Variants in GPHA2 observed in about 807,000 individuals in gnomAD.
GPHA2 encodes the protein glycoprotein hormone subunit alpha 2.
A neutral mutation model predicts 15.3 loss-of-function variants in GPHA2; 12 were observed. The ratio of observed to expected loss-of-function variants is 0.78; its 90% CI spans 0.50 to 1.27. The LOEUF (loss-of-function observed/expected upper bound fraction) is 1.27, where lower values mean the gene tolerates loss of function less well. Among genes scored for constraint, GPHA2 ranks in the 50% most tolerant of loss-of-function variants. GPHA2 has a pLI of 0.00. For synonymous variants in GPHA2, 61 were observed against 66.8 expected, an observed-to-expected ratio of 0.91 and a Z score of 0.42; for missense variants, 156 against 169.5, an observed-to-expected ratio of 0.92 and a Z score of 0.44.
upstream of GPHA2, among the ~76,000 whole-genome samples, chr11:64,936,682 A>G (rs1055634262): frequency 6.6e-6 from 1 of 152,136 alleles, no homozygotes; most frequent in Admixed American, 6.5e-5. Flanking sequence ...GACAAGGGAA[A>G]TTATACCAGT....
upstream of GPHA2, among the ~76,000 whole-genome samples, chr11:64,936,120 G>A (rs1437292366): frequency 1.3e-5 from 2 of 152,188 alleles, no homozygotes; most frequent in Admixed American, 6.5e-5. Context: ...CAGATGTGGA[G>A]AGAAGCCTAG....
intron 1 of GPHA2, 124 bp from the exon 2 acceptor site, chr11:64,935,584 G>A: frequency 1.6e-6 from 1 of 628,558 alleles, no homozygotes; most frequent in African/African-American, 1.8e-5. Flanking sequence ...GTGCCTGAAT[G>A]GTGCTGCCTT....
At chr11:64,935,483 C>A in intron 1 of GPHA2, 23 bp from the exon 2 acceptor site, 1 of 1,517,106 alleles carries the variant, frequency 6.6e-7, no homozygotes, top group East Asian at 2.3e-5. Flanking sequence ...GGGGAGATGT[C>A]TCTACGTGGG....
In GPHA2 at chr11:64,934,616, T is replaced by C; in HGVS notation, c.*157A>G. ...GACAGTCACAAAATCTTACAAAGGATCAAAGCTGGAACAACCCTCCCCTTA... is the reference window on the plus strand; with the variant it reads ...GACAGTCACAAAATCTTACAAAGGACCAAAGCTGGAACAACCCTCCCCTTA... On this transcript the variant is annotated 3_prime_UTR_variant, in exon 4 of 4. Transcript: ENST00000279168. 1.6e-6 allele frequency: 1 copy of C among 640,624 alleles called. No individual in the cohort carries two copies. The highest frequency in any genetic ancestry group is 2.8e-6 in the Non-Finnish European group (1 of 358,036). 39.7% of individuals were successfully genotyped at this position (640,624 alleles called of 1,614,324 possible). A position where few individuals can be genotyped will look rare whatever the true frequency, so the allele number is the denominator to read the frequency against.
intron 1 of GPHA2, 173 bp from the exon 2 acceptor site, chr11:64,935,633 A>T: frequency 2.0e-6 from 1 of 492,408 alleles, no homozygotes; most frequent in East Asian, 3.2e-5. Context: ...GTGTGTGTGT[A>T]TGGGTGTGAG....
At chr11:64,937,304 T>C (rs928037027), upstream of GPHA2, among the ~76,000 whole-genome samples, 3 of 152,200 alleles carry the variant, frequency 2.0e-5, no homozygotes, top group African/African-American at 7.2e-5. Context: ...AAAGCTTCAC[T>C]GTAAGCTAGT....
chr11:64,935,280 GC>G, intron 2 of GPHA2, 77 bp downstream of exon 2: 1 of 1,401,784 alleles, frequency 7.1e-7, no homozygotes, highest in Non-Finnish European at 9.7e-7. Context: ...GGTGCTGCCT[GC>G]CCCACCGTCC....
chr11:64,934,604 T>C lies in GPHA2; in HGVS notation c.*169A>G. Reference sequence around the variant, plus strand: ...CTCTTCTCAGGTGACAGTCACAAAATCTTACAAAGGATCAAAGCTGGAACA... The same window carrying C: ...CTCTTCTCAGGTGACAGTCACAAAACCTTACAAAGGATCAAAGCTGGAACA... On this transcript the variant is annotated 3_prime_UTR_variant, in exon 4 of 4. Transcript: ENST00000279168. The C allele has an allele frequency of 6.4e-6, 4 of 623,478 alleles. No individual in the cohort carries two copies. The South Asian group carries it at 7.7e-5, about 12-fold the overall frequency. The allele number at this position is 623,478 out of a possible 1,614,324, so 38.6% of individuals were successfully genotyped here.
chr11:64,936,493 A>G (rs757574779), upstream of GPHA2, among the ~76,000 whole-genome samples: 11 of 152,060 alleles, frequency 7.2e-5, no homozygotes, highest in Non-Finnish European at 1.5e-4. Flanking sequence ...CATGTTGCCC[A>G]TGGTGGTCTT....
Position 64,935,379 on chromosome 11 carries a change from T to C in GPHA2, c.82A>G (p.Ile28Val), listed in dbSNP as rs1945282565. The C allele has an allele frequency of 6.2e-7, 1 of 1,603,760 alleles. No homozygotes were observed. The highest frequency in any genetic ancestry group is 1.7e-5 in the Admixed American group (1 of 57,888). ...TCACGGTGCAAGTGGCAGCCTGGGA[T>C]GACTGCCTCCTGGCCCCAGGCTTCA... is the stretch of plus-strand genomic sequence containing the variant. ...VTEAWGQEAV[I>V]PGCHLHPFNV... The change falls in exon 2 of 4, where the codon ATC (isoleucine) becomes GTC (valine). Residue 28 changes from isoleucine (I) to valine (V), a missense_variant. Physicochemically the swap from Ile to Val is conservative, Grantham distance 29. Transcript: ENST00000279168.
In GPHA2 at chr11:64,934,878, C is replaced by CGG; in HGVS notation, c.289-6_289-5dup. ...CACACTGCAGCTGTACTTTGACCTG[C>CGG]GGGAGAGGGGAGTCCGTGCTGCAGT... is the stretch of plus-strand genomic sequence containing the variant. On this transcript the variant is annotated splice_polypyrimidine_tract_variant and splice_region_variant and intron_variant, in intron 3 of 3. Transcript: ENST00000279168. The CGG allele has an allele frequency of 6.2e-7, 1 of 1,613,766 alleles. No individual in the cohort carries two copies. Among genetic ancestry groups the CGG allele is most frequent in the Non-Finnish European group, 8.5e-7 (1 of 1,179,742 alleles).
upstream of GPHA2, among the ~76,000 whole-genome samples, chr11:64,936,712 C>A (rs894429673): frequency 6.6e-6 from 1 of 152,040 alleles, no homozygotes; most frequent in Non-Finnish European, 1.5e-5. Flanking sequence ...CTGAGATGTG[C>A]TTGGTGGCAG....
intron 3 of GPHA2, 21 bp from the exon 4 acceptor site, chr11:64,934,895 T>G: frequency 6.2e-7 from 1 of 1,611,266 alleles, no homozygotes; most frequent in Non-Finnish European, 8.5e-7. Flanking sequence ...GGGGAGTCCG[T>G]GCTGCAGTCC....
chr11:64,936,208 G>C (rs78688495), upstream of GPHA2, among the ~76,000 whole-genome samples: 101 of 152,276 alleles, frequency 6.6e-4, no homozygotes, highest in African/African-American at 2.3e-3. Flanking sequence ...GGACACCTGG[G>C]TTCTCTTTGC....
In GPHA2 at chr11:64,934,516, G is replaced by A. The variant is rs1346934068; in HGVS notation, c.*257C>T. 8.7e-6 allele frequency: 5 copies of A among 575,812 alleles called. No homozygotes were observed. Among genetic ancestry groups the A allele is most frequent in the Non-Finnish European group, 3.1e-6 (1 of 322,588 alleles). The allele number at this position is 575,812 out of a possible 1,614,324, so 35.7% of individuals were successfully genotyped here. ...TTTAGGGGTAAGGGCAAAGAGGGAAGTAAAATGATGAAAGATTGGTTTAGA... is the reference window on the plus strand; with the variant it reads ...TTTAGGGGTAAGGGCAAAGAGGGAAATAAAATGATGAAAGATTGGTTTAGA... On this transcript the variant is annotated 3_prime_UTR_variant, in exon 4 of 4. Transcript: ENST00000279168.
chr11:64,935,129 G>A lies in GPHA2; in HGVS notation c.150C>T (p.Gly50=). The A allele has an allele frequency of 6.2e-7, 1 of 1,614,036 alleles. No individual in the cohort carries two copies. The highest frequency in any genetic ancestry group is 8.5e-7 in the Non-Finnish European group (1 of 1,180,012). Residue 50 remains glycine (G), a synonymous_variant, in exon 3 of 4, where the codon GGC becomes GGT. Transcript: ENST00000279168. ...VRSDRQGTCQ[G]SHVAQACVGH... is the part of the protein sequence containing the mutation. ...CCACACAGGCCTGTGCCACGTGGGA[G>A]CCCTGGCAGGTGCCTTGGCGGTCAC...
upstream of GPHA2, among the ~76,000 whole-genome samples, chr11:64,936,982 G>A (rs1031984020): frequency 1.3e-5 from 2 of 152,218 alleles, no homozygotes; most frequent in African/African-American, 4.8e-5. Flanking sequence ...GCTAGTTAAT[G>A]TTAGGGCTGA....
chr11:64,934,948 C>T, intron 3 of GPHA2, 43 bp downstream of exon 3: 2 of 1,613,264 alleles, frequency 1.2e-6, no homozygotes, highest in Non-Finnish European at 1.7e-6. Context: ...TCTGGTCTTC[C>T]CGCGACCCCA....
At chr11:64,935,230 C>T (rs1435743593) in intron 2 of GPHA2, 55 bp from the exon 3 acceptor site, 2 of 1,551,990 alleles carry the variant, frequency 1.3e-6, no homozygotes, top group Admixed American at 3.8e-5. Context: ...TTGCCTCGCC[C>T]CAGCTCCCGT....
Sources: allele counts gnomAD v4.1 joint callset (sites outside exome capture counted in the v4.1 genomes callset), GRCh38; gene constraint gnomAD v4.1.1; transcripts MANE v1.5; gene names NCBI Gene and HGNC (gene_info 2026-07-23, HGNC 2026-07-21).